Variants in PRKCD observed in about 807,000 individuals in gnomAD.
PRKCD encodes the protein protein kinase C delta type.
In PRKCD, 20 loss-of-function variants were observed where a neutral mutation model predicts 82.2. The ratio of observed to expected loss-of-function variants is 0.24; its 90% CI spans 0.17 to 0.35. The LOEUF is 0.35. Among genes scored for constraint, PRKCD ranks in the 10% least tolerant of loss-of-function variants. The probability of loss-of-function intolerance (pLI) is 1.00; values close to 1 mark genes in which losing one functional copy is unlikely to be tolerated. For synonymous variants in PRKCD, 317 were observed against 337.0 expected, an observed-to-expected ratio of 0.94 and a Z score of 0.65; for missense variants, 607 against 899.0, an observed-to-expected ratio of 0.68 and a Z score of 4.15.
Position 53,161,412 on chromosome 3 carries a change from T to G in PRKCD, c.-148T>G, listed in dbSNP as rs1553662923. The stretch of plus-strand genomic sequence containing the variant: ...CGCTGCCGCCGCGACCCTTGGCGCC[T>G]GCCCCTGCAACGGGAGGTAAGTGAG... On this transcript the variant is annotated 5_prime_UTR_variant, in exon 1 of 19. Transcript: ENST00000330452. The G allele has an allele frequency of 6.6e-6, 1 of 151,398 alleles. No homozygotes were observed. The highest frequency in any genetic ancestry group is 2.4e-5 in the African/African-American group (1 of 41,218). The allele number at this position is 151,398 out of a possible 1,614,324, so 9.4% of individuals were successfully genotyped here. A position where few individuals can be genotyped will look rare whatever the true frequency, so the allele number is the denominator to read the frequency against.
Position 53,188,704 on chromosome 3 carries a change from T to C in PRKCD, c.1416-16T>C. Reference sequence around the variant, plus strand: ...GAAATGTCCCCTGCTGACTCTTACCTGTCCCCTGTCCTTAGGGACCTCAAA... The same window carrying C: ...GAAATGTCCCCTGCTGACTCTTACCCGTCCCCTGTCCTTAGGGACCTCAAA... On this transcript the variant is annotated splice_polypyrimidine_tract_variant and intron_variant, in intron 15 of 18. Transcript: ENST00000330452. The C allele has an allele frequency of 2.5e-6, 4 of 1,614,078 alleles. No individual in the cohort carries two copies. The highest frequency in any genetic ancestry group is 3.4e-6 in the Non-Finnish European group (4 of 1,179,924).
intron 1 of PRKCD, among the ~76,000 whole-genome samples, chr3:53,164,867 G>A (rs1292343575): frequency 2.0e-5 from 3 of 152,188 alleles, no homozygotes; most frequent in African/African-American, 7.2e-5. Context: ...CTGGAAATGT[G>A]CTCAGGGCAG....
At chr3:53,184,724 A>G in intron 9 of PRKCD, 150 bp from the exon 10 acceptor site, 1 of 545,058 alleles carries the variant, frequency 1.8e-6, no homozygotes, top group Non-Finnish European at 3.4e-6. Context: ...AGTATTTATG[A>G]TGGCTTCAGA....
chr3:53,176,661 G>C (rs749126123), intron 2 of PRKCD, among the ~76,000 whole-genome samples: 2 of 152,246 alleles, frequency 1.3e-5, no homozygotes, highest in Non-Finnish European at 2.9e-5. Context: ...TTGCACACCT[G>C]TGTGTCCTTC....
At chr3:53,170,612 T>TGA in intron 2 of PRKCD, among the ~76,000 whole-genome samples, 2 of 152,226 alleles carry the variant, frequency 1.3e-5, no homozygotes, top group African/African-American at 4.8e-5. Flanking sequence ...AAGAGGGACT[T>TGA]TCTTCGTCTC....
At chr3:53,167,028 A>G (rs553458465) in intron 2 of PRKCD, among the ~76,000 whole-genome samples, 1 of 152,318 alleles carries the variant, frequency 6.6e-6, no homozygotes. Context: ...CCATGCCTAG[A>G]GGGAGTGGAG....
At chr3:53,186,479 C>A in intron 13 of PRKCD, 125 bp from the exon 14 acceptor site, 1 of 1,377,434 alleles carries the variant, frequency 7.3e-7, no homozygotes, top group South Asian at 1.3e-5. Context: ...CCTCCCAGGG[C>A]AGAGTCGTCC....
chr3:53,192,538 C>CATAT lies in PRKCD; in HGVS notation c.*284_*287dup. 3 of 176,422 alleles carry CATAT rather than the reference C, an allele frequency of 1.7e-5. No homozygotes were observed. Among genetic ancestry groups the CATAT allele is most frequent in the East Asian group, 1.3e-4 (1 of 7,646 alleles). 10.9% of individuals were successfully genotyped at this position (176,422 alleles called of 1,614,324 possible). On this transcript the variant is annotated 3_prime_UTR_variant, in exon 19 of 19. Transcript: ENST00000330452. ...TGAAAATATATATTATATACATAGA[C>CATAT]ATATATATATATATAATAGGCTGTA...
chr3:53,183,602 G>A (rs1412374823), intron 9 of PRKCD, 21 bp downstream of exon 9: 29 of 1,612,324 alleles, frequency 1.8e-5, no homozygotes, highest in East Asian at 4.5e-5. Context: ...CCCCGCCCCT[G>A]GGCTGCAGGA....
intron 2 of PRKCD, among the ~76,000 whole-genome samples, chr3:53,166,485 T>C (rs1402917144): frequency 6.6e-6 from 1 of 152,206 alleles, no homozygotes; most frequent in Non-Finnish European, 1.5e-5. Flanking sequence ...GCAGTGGGCA[T>C]GCACACCCAC....
At chr3:53,178,603 G>A (rs549990682) in intron 3 of PRKCD, 66 bp downstream of exon 3, 2 of 1,396,566 alleles carry the variant, frequency 1.4e-6, no homozygotes, top group Non-Finnish European at 2.0e-6. Flanking sequence ...GGACTGGAGG[G>A]GGCCTGGCCT....
chr3:53,184,465 G>C (rs7639382), intron 9 of PRKCD, among the ~76,000 whole-genome samples: 137,354 of 151,834 alleles, frequency 0.9, 63,558 homozygotes, highest in Non-Finnish European at 1. Context: ...CACCTGAGGT[G>C]GGGAGTTCGA....
chr3:53,179,808 GTGTGTGTGTGTC>G (rs1432725836), intron 4 of PRKCD, 32 bp downstream of exon 4: 3 of 1,549,342 alleles, frequency 1.9e-6, no homozygotes, highest in East Asian at 2.4e-5. Flanking sequence ...CCGTGTGTGT[GTGTGTGTGTGTC>G]TGTGTGTGTG....
intron 12 of PRKCD, 43 bp from the exon 13 acceptor site, chr3:53,186,124 C>G: frequency 6.2e-7 from 1 of 1,608,326 alleles, no homozygotes; most frequent in African/African-American, 1.3e-5. Flanking sequence ...GCTGTGGCCC[C>G]TGCCCCGTCC....
chr3:53,183,909 TC>T (rs1158689017), intron 9 of PRKCD, among the ~76,000 whole-genome samples: 1 of 152,236 alleles, frequency 6.6e-6, no homozygotes, highest in Non-Finnish European at 1.5e-5. Context: ...CAGACAGGCC[TC>T]CCCTGCCCTC....
chr3:53,187,317 CTT>C, intron 14 of PRKCD, 21 bp from the exon 15 acceptor site: 2 of 1,614,060 alleles, frequency 1.2e-6, no homozygotes, highest in East Asian at 2.2e-5. Context: ...TCCCGGAACA[CTT>C]TATCCCTCTC....
intron 2 of PRKCD, among the ~76,000 whole-genome samples, chr3:53,174,503 TATAA>T (rs1483018096): frequency 1.3e-5 from 2 of 152,170 alleles, no homozygotes; most frequent in Non-Finnish European, 2.9e-5. Context: ...GCATGGGGGC[TATAA>T]ATAGTCAGCA....
chr3:53,187,059 ATG>A (rs145524309), intron 14 of PRKCD, among the ~76,000 whole-genome samples: 21 of 150,586 alleles, frequency 1.4e-4, no homozygotes, highest in East Asian at 7.8e-4. Context: ...CTAACCGTGT[ATG>A]TGTGTGTGTG....
At chr3:53,181,320 C>G (rs1703432350) in intron 5 of PRKCD, 53 bp downstream of exon 5, 1 of 1,609,852 alleles carries the variant, frequency 6.2e-7, no homozygotes, top group Admixed American at 1.7e-5. Flanking sequence ...GAGGCAGAGC[C>G]AGCACTGAGG....
Sources: allele counts gnomAD v4.1 joint callset (sites outside exome capture counted in the v4.1 genomes callset), GRCh38; gene constraint gnomAD v4.1.1; transcripts MANE v1.5; gene names NCBI Gene and HGNC (gene_info 2026-07-23, HGNC 2026-07-21).